Variants in GREB1L observed in about 807,000 individuals in gnomAD.
GREB1L encodes GREB1-like protein.
Under a neutral mutation model 200.8 loss-of-function variants are expected in GREB1L, and 17 were observed. The observed-to-expected ratio is 0.08, with a 90% CI of 0.06 to 0.13. GREB1L has a LOEUF of 0.13. GREB1L is among the 10% of genes least tolerant of loss of function. GREB1L has a pLI of 1.00. For synonymous variants in GREB1L, 789 were observed against 893.0 expected (o/e 0.88, Z 2.08); for missense variants, 1,657 against 2,367.7 (o/e 0.70, Z 6.23).
At chr18:21,357,439 C>T (rs1195965655) in intron 1 of GREB1L, among the ~76,000 whole-genome samples, 6 of 152,176 alleles carry the variant, frequency 3.9e-5, no homozygotes, top group African/African-American at 7.2e-5. Context: ...GTTGGCTCTT[C>T]GCCCTGTTGA....
Position 21,500,172 on chromosome 18 carries a change from G to A in GREB1L, c.3835G>A (p.Glu1279Lys). Residue 1279 changes from glutamate to lysine, a missense_variant, in exon 22 of 33, where the codon GAG becomes AAG. By Grantham distance (56) the Glu-to-Lys change is moderately conservative. Coordinates refer to ENST00000424526, the MANE Select transcript of GREB1L (RefSeq NM_001142966.3). Reference protein sequence around the residue: ...RPLLNKDMSSEEQSLYYRQWT... With the variant: ...RPLLNKDMSSKEQSLYYRQWT... ...ACTCCTGAACAAGGACATGAGCAGT[G>A]AGGAGCAGTCCCTCTACTACAGGCA... is the stretch of plus-strand genomic sequence containing the variant. 6.4e-7 allele frequency: 1 copy of A among 1,551,124 alleles called. No homozygotes were observed. Among genetic ancestry groups the A allele is most frequent in the Non-Finnish European group, 8.7e-7 (1 of 1,146,988 alleles).
intron 1 of GREB1L, among the ~76,000 whole-genome samples, chr18:21,294,944 C>G (rs575798657): frequency 1.4e-4 from 22 of 152,210 alleles, no homozygotes; most frequent in African/African-American, 4.8e-4. Context: ...TGATGAATTT[C>G]CCTTGGTATG....
intron 1 of GREB1L, among the ~76,000 whole-genome samples, chr18:21,253,170 T>C (rs987373324): frequency 6.6e-6 from 1 of 152,196 alleles, no homozygotes; most frequent in Non-Finnish European, 1.5e-5. Flanking sequence ...TCCTGCATGT[T>C]TTCTGGTTTA....
chr18:21,477,159 TAC>T lies in GREB1L; in HGVS notation c.2364-3_2364-2del. On this transcript the variant is annotated splice_polypyrimidine_tract_variant and splice_region_variant and intron_variant, in intron 16 of 32. Coordinates refer to ENST00000424526, the MANE Select transcript of GREB1L (RefSeq NM_001142966.3). ...GTATTAATATGACTTTCAATTTTTCTACAGTGTCATTTCAGGCTCTTTGTCAC... is the reference window on the plus strand; with the variant it reads ...GTATTAATATGACTTTCAATTTTTCTAGTGTCATTTCAGGCTCTTTGTCAC... 1 of 1,546,376 alleles carries T rather than the reference TAC, an allele frequency of 6.5e-7. No homozygotes were observed.
chr18:21,505,798 C>T lies in GREB1L; in HGVS notation c.4229-12C>T, dbSNP rs1414252528. The T allele has an allele frequency of 6.5e-7, 1 of 1,549,686 alleles. No individual in the cohort carries two copies. The highest frequency in any genetic ancestry group is 2.0e-5 in the Admixed American group (1 of 50,540). On this transcript the variant is annotated splice_polypyrimidine_tract_variant and intron_variant, in intron 24 of 32. Transcript: ENST00000424526. The stretch of plus-strand genomic sequence containing the variant: ...TATCTCATGGGATGGCTTTTTGCCC[C>T]TTTATACACAGAAGTGATAAAGGAA...
At chr18:21,508,058 T>C in intron 25 of GREB1L, 60 bp from the exon 26 acceptor site, 2 of 1,484,702 alleles carry the variant, frequency 1.3e-6, no homozygotes, top group South Asian at 1.2e-5. Context: ...AGGAGTGGCC[T>C]GGAAGTTTGG....
rs9950162 is a variant in GREB1L, at chr18:21,514,017, A to G, written c.4901+31A>G. ...CTTCCAAGCTGGGGGCGTATGACAC[A>G]ATGCTATAGACAGGACAATACATTT... On this transcript the variant is annotated intron_variant, in intron 28 of 32. Transcript: ENST00000424526. 1,079 of 1,541,602 alleles carry G rather than the reference A, an allele frequency of 7.0e-4. 1 individual carries two copies. The highest frequency in any genetic ancestry group is 1.0e-3 in the Admixed American group (52 of 50,586).
Position 21,496,477 on chromosome 18 carries a change from G to A in GREB1L, c.3170G>A (p.Arg1057Gln), listed in dbSNP as rs2036549131. ...AGGTCTTTGAAGTACTGTGACCTCC[G>A]GTTAATTGACTCAAGCTATTTAACT... Reference protein sequence around the residue: ...FPRSLKYCDLRLIDSSYLTRT... With the variant: ...FPRSLKYCDLQLIDSSYLTRT... Residue 1057 changes from arginine (R) to glutamine (Q), a missense_variant, in exon 21 of 33, where the codon CGG becomes CAG. Physicochemically the swap from Arg to Gln is conservative, Grantham distance 43 (BLOSUM62 1). Transcript: ENST00000424526. The A allele has an allele frequency of 1.9e-6, 3 of 1,551,656 alleles. No individual in the cohort carries two copies. The highest frequency in any genetic ancestry group is 2.6e-6 in the Non-Finnish European group (3 of 1,146,984).
At chr18:21,369,641 A>T (rs1170220928) in intron 2 of GREB1L, among the ~76,000 whole-genome samples, 1 of 152,194 alleles carries the variant, frequency 6.6e-6, no homozygotes, top group Non-Finnish European at 1.5e-5. Flanking sequence ...GCATATCTGT[A>T]AGTATATTGC....
At chr18:21,297,531 A>G (rs1374948475) in intron 1 of GREB1L, among the ~76,000 whole-genome samples, 1 of 152,174 alleles carries the variant, frequency 6.6e-6, no homozygotes, top group Non-Finnish European at 1.5e-5. Flanking sequence ...TGATGGAAGA[A>G]GGTCTTGACA....
At chr18:21,458,112 G>A (rs2034859770) in intron 15 of GREB1L, among the ~76,000 whole-genome samples, 1 of 151,922 alleles carries the variant, frequency 6.6e-6, no homozygotes, top group Admixed American at 6.6e-5. Flanking sequence ...GGGATTACAG[G>A]CATGCGCCAC....
intron 1 of GREB1L, among the ~76,000 whole-genome samples, chr18:21,355,699 C>T (rs895130399): frequency 1.3e-5 from 2 of 152,154 alleles, no homozygotes; most frequent in African/African-American, 4.8e-5. Context: ...TTTCAGAAAT[C>T]TACTCAAAGG....
intron 12 of GREB1L, among the ~76,000 whole-genome samples, chr18:21,450,381 A>G (rs1398212780): frequency 6.6e-6 from 1 of 152,012 alleles, no homozygotes; most frequent in Admixed American, 6.6e-5. Context: ...AGCCATTTGG[A>G]CTACATTTTG....
chr18:21,495,820 G>C (rs1222716576), intron 20 of GREB1L, 35 bp downstream of exon 20: 9 of 1,189,374 alleles, frequency 7.6e-6, no homozygotes, highest in Non-Finnish European at 1.1e-5. Flanking sequence ...TTTTTCATCA[G>C]TTGCCCAGCT....
intron 7 of GREB1L, among the ~76,000 whole-genome samples, chr18:21,430,998 A>T (rs149760696): frequency 1.2e-4 from 1 of 8,476 alleles, no homozygotes; most frequent in East Asian, 6.1e-3. Context: ...CATTTATTTT[A>T]TTTATTTATT....
At chr18:21,380,180 G>T (rs1292017456) in intron 2 of GREB1L, 1 of 152,130 alleles carries the variant, frequency 6.6e-6, no homozygotes, top group Admixed American at 6.5e-5. Flanking sequence ...CGCATACTAC[G>T]CACTGCCACC....
chr18:21,500,486 C>A (rs1368484994), intron 22 of GREB1L, 54 bp from the exon 23 acceptor site: 4 of 1,294,068 alleles, frequency 3.1e-6, no homozygotes, highest in African/African-American at 1.5e-5. Flanking sequence ...TTTCTCTTTT[C>A]TTCCCCTCTC....
At chr18:21,465,797 A>G (rs967413232) in intron 15 of GREB1L, among the ~76,000 whole-genome samples, 1 of 152,180 alleles carries the variant, frequency 6.6e-6, no homozygotes, top group Non-Finnish European at 1.5e-5. Flanking sequence ...GATCAAATTT[A>G]TAAAGGATAT....
intron 1 of GREB1L, among the ~76,000 whole-genome samples, chr18:21,258,972 C>A (rs2037846430): frequency 6.6e-6 from 1 of 152,116 alleles, no homozygotes; most frequent in African/African-American, 2.4e-5. Context: ...GTGACATTTC[C>A]TGTACAGTAT....
Sources: allele counts gnomAD v4.1 joint callset (sites outside exome capture counted in the v4.1 genomes callset), GRCh38; gene constraint gnomAD v4.1.1; transcripts MANE v1.5; gene names NCBI Gene and HGNC (gene_info 2026-07-23, HGNC 2026-07-21).